The following OR4N2 variants were observed in gnomAD, a reference collection of about 807,000 sequenced individuals.
The protein encoded by OR4N2 is olfactory receptor 4N2.
For missense variants in OR4N2, 307 were observed against 377.6 expected (o/e 0.81, Z 1.55); for synonymous variants, 141 against 140.4 (o/e 1.00, Z -0.03).
chr14:19,813,271 CTCTT>C (rs1879346146), intron 1 of OR4N2, among the ~76,000 whole-genome samples: 1 of 152,228 alleles, frequency 6.6e-6, no homozygotes, highest in Non-Finnish European at 1.5e-5. Flanking sequence ...CTGTGCAGCT[CTCTT>C]TATCATGGTT....
chr14:19,814,567 G>A (rs748461667), intron 1 of OR4N2, among the ~76,000 whole-genome samples: 2 of 152,240 alleles, frequency 1.3e-5, no homozygotes, highest in African/African-American at 2.4e-5. Flanking sequence ...TTTAAAATTT[G>A]TGATAAACAA....
At chr14:19,812,249 G>A (rs57476496) in intron 1 of OR4N2, among the ~76,000 whole-genome samples, 3,146 of 149,556 alleles carry the variant, frequency 0.021, 30 homozygotes, top group African/African-American at 0.068. Flanking sequence ...TGCCATAGAA[G>A]TAAAAAAAGA....
chr14:19,812,673 A>T (rs1275012712), intron 1 of OR4N2, among the ~76,000 whole-genome samples: 1 of 152,092 alleles, frequency 6.6e-6, no homozygotes, highest in African/African-American at 2.4e-5. Flanking sequence ...TTGACTTTTT[A>T]ATAATAGTCC....
chr14:19,828,183 T>C lies in OR4N2; in HGVS notation c.735T>C (p.Ile245=). Residue 245 remains isoleucine (I), a synonymous_variant, in exon 2 of 2, where the codon ATT becomes ATC. Coordinates refer to ENST00000557677, the MANE Select transcript of OR4N2 (RefSeq NM_001004723.3). ...KAMSTCITHI[I]VIFFMFGPGI... ...TGTCCACGTGCATCACCCATATCATTGTTATATTCTTCATGTTTGGACCTG... is the reference window on the plus strand; with the variant it reads ...TGTCCACGTGCATCACCCATATCATCGTTATATTCTTCATGTTTGGACCTG... 1 of 1,614,230 alleles carries C rather than the reference T, an allele frequency of 6.2e-7. No homozygotes were observed. Among genetic ancestry groups the C allele is most frequent in the Non-Finnish European group, 8.5e-7 (1 of 1,180,046 alleles).
chr14:19,820,261 G>A (rs550491640), intron 1 of OR4N2, among the ~76,000 whole-genome samples: 1 of 152,368 alleles, frequency 6.6e-6, no homozygotes, highest in Non-Finnish European at 1.5e-5. Flanking sequence ...ATTTTTTGAA[G>A]AGTTTTTTGT....
chr14:19,815,941 T>C (rs1879416423), intron 1 of OR4N2, among the ~76,000 whole-genome samples: 1 of 152,374 alleles, frequency 6.6e-6, no homozygotes, highest in East Asian at 1.9e-4. Flanking sequence ...CATAACACCA[T>C]TTATTAAATA....
In OR4N2 at chr14:19,828,063, G is replaced by A. The variant is rs1173146365; in HGVS notation, c.615G>A (p.Leu205=). The A allele has an allele frequency of 5.0e-6, 8 of 1,614,254 alleles. No homozygotes were observed. Among genetic ancestry groups the A allele is most frequent in the Admixed American group, 1.7e-5 (1 of 60,036 alleles). The change falls in exon 2 of 2, where the codon CTG becomes CTA. Residue 205 remains leucine, a synonymous_variant. Transcript: ENST00000557677. The stretch of plus-strand genomic sequence containing the variant: ...TTCTGATGGTCTTCAACAGTGGCCT[G>A]ATGACACTCCTGTGCTTTCTGGGGC... ...VELLMVFNSG[L]MTLLCFLGLL... is the part of the protein sequence containing the mutation.
In OR4N2 at chr14:19,827,745, T is replaced by C; in HGVS notation, c.297T>C (p.Thr99=). The C allele has an allele frequency of 1.9e-6, 3 of 1,614,272 alleles. No individual in the cohort carries two copies. The highest frequency in any genetic ancestry group is 2.5e-6 in the Non-Finnish European group (3 of 1,180,058). The stretch of plus-strand genomic sequence containing the variant: ...TAATCTCCTACAGAGGCTGCATCAC[T>C]CAGCTCTTTTTCTTGCACTTCCTTG... ...KKIISYRGCI[T]QLFFLHFLGG... Residue 99 remains threonine (T), a synonymous_variant, in exon 2 of 2, where the codon ACT becomes ACC. Transcript: ENST00000557677.
intron 1 of OR4N2, among the ~76,000 whole-genome samples, 190 bp downstream of exon 1, chr14:19,804,034 G>C (rs566439504): frequency 6.6e-6 from 1 of 152,284 alleles, no homozygotes; most frequent in Admixed American, 6.5e-5. Flanking sequence ...CTTTGGGGTT[G>C]GTGGTAATGT....
intron 1 of OR4N2, among the ~76,000 whole-genome samples, chr14:19,811,482 G>A (rs1306922795): frequency 1.3e-5 from 2 of 152,198 alleles, no homozygotes; most frequent in African/African-American, 4.8e-5. Flanking sequence ...TCCTGACCTC[G>A]TGATCCGCCC....
chr14:19,805,247 A>G (rs1036840799), intron 1 of OR4N2, among the ~76,000 whole-genome samples: 10 of 152,112 alleles, frequency 6.6e-5, no homozygotes, highest in African/African-American at 2.4e-4. Context: ...TTCCTTACCC[A>G]TAATAAATTA....
In OR4N2 at chr14:19,828,224, C is replaced by G. The variant is rs774117994; in HGVS notation, c.776C>G (p.Thr259Arg). ...TTTGGACCTGGCATCTTCATCTACA[C>G]GCGCCCCTTCAGGGCTTTCCCAGCT... is the stretch of plus-strand genomic sequence containing the variant. ...FMFGPGIFIY[T>R]RPFRAFPADK... Residue 259 changes from threonine (T) to arginine (R), a missense_variant, in exon 2 of 2, where the codon ACG (threonine) becomes AGG (arginine). Physicochemically the swap from Thr to Arg is moderately conservative, Grantham distance 71. Coordinates refer to ENST00000557677, the MANE Select transcript of OR4N2 (RefSeq NM_001004723.3). The G allele has an allele frequency of 1.2e-6, 2 of 1,614,254 alleles. No homozygotes were observed. The highest frequency in any genetic ancestry group is 2.2e-5 in the South Asian group (2 of 91,090).
chr14:19,806,821 C>G (rs1179650440), intron 1 of OR4N2, among the ~76,000 whole-genome samples: 2 of 152,166 alleles, frequency 1.3e-5, no homozygotes, highest in Non-Finnish European at 2.9e-5. Flanking sequence ...GAAAGCAAGT[C>G]TCAATGCATT....
intron 1 of OR4N2, among the ~76,000 whole-genome samples, chr14:19,811,357 C>T (rs1479820201): frequency 6.6e-6 from 1 of 152,226 alleles, no homozygotes; most frequent in Non-Finnish European, 1.5e-5. Context: ...TGCCATTCTC[C>T]TGCCTCAGCC....
In OR4N2 at chr14:19,828,524, G is replaced by A. The variant is rs1362736184; in HGVS notation, c.*152G>A. On this transcript the variant is annotated 3_prime_UTR_variant, in exon 2 of 2. Coordinates refer to ENST00000557677, the MANE Select transcript of OR4N2 (RefSeq NM_001004723.3). ...AAAAGAAATTACTGAGGCAGATAAG[G>A]TCCATCTGCTCTCCAAGAGATACAA... The A allele has an allele frequency of 9.0e-6, 7 of 774,398 alleles. No homozygotes were observed. The highest frequency in any genetic ancestry group is 3.6e-5 in the African/African-American group (2 of 56,272). 48.0% of individuals were successfully genotyped at this position (774,398 alleles called of 1,614,324 possible).
At chr14:19,817,666 GT>G (rs1242283889) in intron 1 of OR4N2, among the ~76,000 whole-genome samples, 1 of 152,172 alleles carries the variant, frequency 6.6e-6, no homozygotes, top group Non-Finnish European at 1.5e-5. Flanking sequence ...TTTTTGAAGG[GT>G]TTTTTGTGTC....
At chr14:19,806,064 G>A (rs1362370745) in intron 1 of OR4N2, among the ~76,000 whole-genome samples, 44 of 152,152 alleles carry the variant, frequency 2.9e-4, no homozygotes, top group African/African-American at 9.6e-4. Flanking sequence ...CTTACAACAG[G>A]TCCTTAAGGG....
In OR4N2 at chr14:19,827,430, T is replaced by G. The variant is rs1205078651; in HGVS notation, c.-9-10T>G. The G allele has an allele frequency of 2.6e-6, 4 of 1,552,880 alleles. No individual in the cohort carries two copies. In the East Asian group the frequency reaches 9.0e-5, roughly 35 times the overall value. Reference sequence around the variant, plus strand: ...AATAACAATTAATTCTGCTTCTTAATGTACTGCAGGCCAGGGAAATGGAAA... The same window carrying G: ...AATAACAATTAATTCTGCTTCTTAAGGTACTGCAGGCCAGGGAAATGGAAA... On this transcript the variant is annotated splice_polypyrimidine_tract_variant and intron_variant, in intron 1 of 1. Transcript: ENST00000557677.
At position 19,829,016 on chromosome 14, in the gene OR4N2, C is replaced by T. The variant is rs1161382241; in HGVS notation, c.*644C>T. 1 of 153,116 alleles carries T rather than the reference C, an allele frequency of 6.5e-6. No homozygotes were observed. The highest frequency in any genetic ancestry group is 2.4e-5 in the African/African-American group (1 of 41,466). 9.5% of individuals were successfully genotyped at this position (153,116 alleles called of 1,614,324 possible). A position where few individuals can be genotyped will look rare whatever the true frequency, so the allele number is the denominator to read the frequency against. On this transcript the variant is annotated 3_prime_UTR_variant, in exon 2 of 2. Coordinates refer to ENST00000557677, the MANE Select transcript of OR4N2 (RefSeq NM_001004723.3). The stretch of plus-strand genomic sequence containing the variant: ...GGCTTTAAGCAAAAGAGTGATTCCT[C>T]TACTGAAGGGTCATAAACAACTTAG...
Sources: gnomAD v4.1 joint callset for allele counts (sites outside exome capture counted in the v4.1 genomes callset) on GRCh38, gnomAD v4.1.1 for gene constraint, MANE v1.5 for transcripts, NCBI Gene and HGNC (gene_info 2026-07-23, HGNC 2026-07-21) for gene names.